Variants in RALGAPA2 observed in about 807,000 individuals in gnomAD.
RALGAPA2 encodes Ral GTPase activating protein catalytic subunit alpha 2.
A neutral mutation model predicts 230.4 loss-of-function variants in RALGAPA2; 139 were observed. That is an observed-to-expected ratio of 0.60 (90% CI 0.53 to 0.69). The LOEUF (loss-of-function observed/expected upper bound fraction) is 0.69, where lower values mean the gene tolerates loss of function less well. RALGAPA2 is among the 30% of genes least tolerant of loss of function. RALGAPA2 has a pLI of 0.00. For synonymous variants in RALGAPA2, 847 were observed against 837.8 expected (o/e 1.01, Z -0.19); for missense variants, 2,163 against 2,276.0 (o/e 0.95, Z 1.01).
chr20:20,536,868 C>T (rs1464340384), intron 24 of RALGAPA2, 84 bp from the exon 25 acceptor site: 23 of 1,410,014 alleles, frequency 1.6e-5, no homozygotes, highest in Non-Finnish European at 2.1e-5. Context: ...ACTCTTCATC[C>T]TAGATAAAAA....
chr20:20,580,480 A>G (rs1429920277), intron 20 of RALGAPA2, among the ~76,000 whole-genome samples: 1 of 152,154 alleles, frequency 6.6e-6, no homozygotes, highest in East Asian at 1.9e-4. Flanking sequence ...AACAGCCCGT[A>G]TGCTCCAGAG....
At chr20:20,663,865 T>C (rs1337865979) in intron 3 of RALGAPA2, among the ~76,000 whole-genome samples, 1 of 152,202 alleles carries the variant, frequency 6.6e-6, no homozygotes, top group Non-Finnish European at 1.5e-5. Flanking sequence ...GTGCTGGGAT[T>C]ACAGGCATGA....
At chr20:20,639,923 C>G (rs2146501297) in intron 6 of RALGAPA2, 23 bp from the exon 7 acceptor site, 1 of 1,520,912 alleles carries the variant, frequency 6.6e-7, no homozygotes, top group Non-Finnish European at 9.1e-7. Context: ...AAAATGATGA[C>G]AGCTCATTCA....
At position 20,502,188 on chromosome 20, in the gene RALGAPA2, C is replaced by T. The variant is rs73289162; in HGVS notation, c.5208+1163G>A. 4.7e-3 allele frequency among the ~76,000 whole-genome samples: 715 copies of T among 152,188 alleles called. 4 individuals are homozygous for T. The highest frequency in any genetic ancestry group is 0.016 in the African/African-American group (676 of 41,524). ...TATCCAATTTGTAAAAAATGTAATA[C>T]CTGTGAAGTGTAATAAAGTGCTGCA... On this transcript the variant is annotated intron_variant, in intron 35 of 39. Coordinates refer to ENST00000202677, the MANE Select transcript of RALGAPA2 (RefSeq NM_020343.4).
At chr20:20,603,030 C>G (rs956764938) in intron 15 of RALGAPA2, among the ~76,000 whole-genome samples, 1 of 152,132 alleles carries the variant, frequency 6.6e-6, no homozygotes, top group Non-Finnish European at 1.5e-5. Context: ...TCCTCTCAGG[C>G]CCCGGGTTTA....
chr20:20,427,293 T>C (rs2060405253), intron 37 of RALGAPA2, among the ~76,000 whole-genome samples: 1 of 152,168 alleles, frequency 6.6e-6, no homozygotes, highest in South Asian at 2.1e-4. Context: ...CTTCAATACT[T>C]GCATTTCAAG....
chr20:20,589,492 T>G, intron 17 of RALGAPA2, 127 bp from the exon 18 acceptor site: 1 of 1,053,944 alleles, frequency 9.5e-7, no homozygotes, highest in Non-Finnish European at 1.3e-6. Context: ...AAACAGGAGT[T>G]ATGGGCCTGG....
chr20:20,485,122 A>T (rs760954705), intron 36 of RALGAPA2, among the ~76,000 whole-genome samples: 21 of 151,500 alleles, frequency 1.4e-4, no homozygotes, highest in Admixed American at 2.0e-4. Context: ...GTGGCCCAAG[A>T]TAATTCTTTT....
intron 23 of RALGAPA2, among the ~76,000 whole-genome samples, chr20:20,570,054 C>G (rs2064575237): frequency 6.6e-6 from 1 of 152,140 alleles, no homozygotes. Context: ...CTTCCACTTG[C>G]AATGATGCCT....
At chr20:20,409,028 C>T (rs2060005081) in intron 38 of RALGAPA2, among the ~76,000 whole-genome samples, 2 of 152,200 alleles carry the variant, frequency 1.3e-5, no homozygotes, top group Middle Eastern at 3.4e-3. Flanking sequence ...TGAAAAATGC[C>T]GAGCGCTCAT....
chr20:20,640,519 T>A (rs1438954139), intron 6 of RALGAPA2, among the ~76,000 whole-genome samples, 182 bp downstream of exon 6: 3 of 152,218 alleles, frequency 2.0e-5, no homozygotes, highest in African/African-American at 7.2e-5. Context: ...TTTCATTTCA[T>A]ATAAAATAAG....
intron 38 of RALGAPA2, among the ~76,000 whole-genome samples, chr20:20,400,063 G>A (rs747944974): frequency 7.2e-5 from 11 of 152,310 alleles, no homozygotes; most frequent in Non-Finnish European, 1.2e-4. Flanking sequence ...GCAGGAAGGC[G>A]GACAGAGTGG....
At chr20:20,651,085 C>T (rs1034223790) in intron 4 of RALGAPA2, among the ~76,000 whole-genome samples, 2 of 152,112 alleles carry the variant, frequency 1.3e-5, no homozygotes, top group Non-Finnish European at 2.9e-5. Context: ...TAGTTGGGGC[C>T]GGGAGGAGAA....
intron 10 of RALGAPA2, 67 bp from the exon 11 acceptor site, chr20:20,620,697 G>A (rs563483373): frequency 1.2e-5 from 16 of 1,334,362 alleles, no homozygotes; most frequent in Middle Eastern, 2.0e-4. Flanking sequence ...GCAGCATCAC[G>A]GACATTCCCA....
intron 33 of RALGAPA2, among the ~76,000 whole-genome samples, chr20:20,505,914 T>TA (rs955421785): frequency 2.6e-5 from 4 of 152,134 alleles, no homozygotes; most frequent in Admixed American, 6.5e-5. Context: ...CTGTTTTTGG[T>TA]AAAAAAATAT....
At chr20:20,664,957 T>C (rs1051573956) in intron 3 of RALGAPA2, among the ~76,000 whole-genome samples, 2 of 152,092 alleles carry the variant, frequency 1.3e-5, no homozygotes, top group African/African-American at 4.8e-5. Flanking sequence ...TTCCAACCTG[T>C]ACAGTGTCAC....
intron 27 of RALGAPA2, among the ~76,000 whole-genome samples, chr20:20,527,081 C>G (rs555682877): frequency 1.3e-5 from 2 of 152,232 alleles, no homozygotes; most frequent in South Asian, 4.1e-4. Flanking sequence ...GACAAGGGCA[C>G]CCTCTGCTTC....
In RALGAPA2 at chr20:20,619,771, T is replaced by C. The variant is rs75931660; in HGVS notation, c.1402-357A>G. 5.7e-3 allele frequency among the ~76,000 whole-genome samples: 873 copies of C among 152,316 alleles called. 11 individuals carry two copies. The highest frequency in any genetic ancestry group is 0.02 in the African/African-American group (831 of 41,560). On this transcript the variant is annotated intron_variant, in intron 11 of 39. Coordinates refer to ENST00000202677, the MANE Select transcript of RALGAPA2 (RefSeq NM_020343.4). Reference sequence around the variant, plus strand: ...AAATGATTTCACCAATATTGAAAAATTAAAATTATGGAACACAGATATTTT... The same window carrying C: ...AAATGATTTCACCAATATTGAAAAACTAAAATTATGGAACACAGATATTTT...
At chr20:20,517,134 C>T (rs923182491) in intron 31 of RALGAPA2, among the ~76,000 whole-genome samples, 3 of 152,172 alleles carry the variant, frequency 2.0e-5, no homozygotes, top group African/African-American at 4.8e-5. Flanking sequence ...GAACAATTCA[C>T]GGTGGCTGCA....
Sources: gnomAD v4.1 joint callset for allele counts (sites outside exome capture counted in the v4.1 genomes callset) on GRCh38, gnomAD v4.1.1 for gene constraint, MANE v1.5 for transcripts, NCBI Gene and HGNC (gene_info 2026-07-23, HGNC 2026-07-21) for gene names.